The following SH3KBP1 variants were observed in gnomAD, a reference collection of about 807,000 sequenced individuals.
SH3KBP1 encodes SH3 domain containing kinase binding protein 1.
A neutral mutation model predicts 50.1 loss-of-function variants in SH3KBP1; 8 were observed. The observed-to-expected ratio is 0.16, with a 90% confidence interval of 0.09 to 0.29. The LOEUF (loss-of-function observed/expected upper bound fraction) is 0.29, where lower values mean the gene tolerates loss of function less well. Ranked by LOEUF, SH3KBP1 falls within the 10% of genes least tolerant of loss-of-function variation. SH3KBP1 has a pLI of 1.00. For synonymous variants in SH3KBP1, 227 were observed against 218.6 expected (o/e 1.04, Z -0.34); for missense variants, 377 against 535.2 (o/e 0.70, Z 2.92).
At chrX:19,799,000 C>A (rs1394870925) in intron 2 of SH3KBP1, among the ~76,000 whole-genome samples, 3 of 111,771 alleles carry the variant, frequency 2.7e-5, no homozygotes, top group Non-Finnish European at 5.6e-5. Flanking sequence ...GGGAACTGAA[C>A]CTCTCCCGAC....
intron 6 of SH3KBP1, among the ~76,000 whole-genome samples, chrX:19,653,765 C>T (rs1602847193): frequency 1.4e-4 from 1 of 7,028 alleles, no homozygotes; most frequent in Non-Finnish European, 2.8e-4. Flanking sequence ...TGTCTAAATA[C>T]ACACACACAC....
At chrX:19,753,315 G>A (rs1422085075) in intron 2 of SH3KBP1, among the ~76,000 whole-genome samples, 2 of 112,042 alleles carry the variant, frequency 1.8e-5, no homozygotes, top group Non-Finnish European at 3.8e-5. Flanking sequence ...GATCACAGCT[G>A]TGCCCCCTGC....
chrX:19,697,995 G>A (rs2063460451), intron 4 of SH3KBP1, among the ~76,000 whole-genome samples: 2 of 112,014 alleles, frequency 1.8e-5, no homozygotes, highest in African/African-American at 6.5e-5. Flanking sequence ...GTGGCATTTC[G>A]CAGCATTTCC....
At chrX:19,834,125 C>T (rs1351998004) in intron 2 of SH3KBP1, among the ~76,000 whole-genome samples, 1 of 112,410 alleles carries the variant, frequency 8.9e-6, no homozygotes, top group East Asian at 2.8e-4. Flanking sequence ...CACCCTGAGA[C>T]AAGATCCTAA....
chrX:19,613,399 G>A (rs887118974), intron 8 of SH3KBP1, among the ~76,000 whole-genome samples: 2 of 112,080 alleles, frequency 1.8e-5, no homozygotes, highest in Admixed American at 9.4e-5. Flanking sequence ...AAAAGGAGCA[G>A]CATGTAGATG....
At chrX:19,790,386 G>A (rs978534676) in intron 2 of SH3KBP1, among the ~76,000 whole-genome samples, 1 of 111,513 alleles carries the variant, frequency 9.0e-6, no homozygotes, top group Admixed American at 9.5e-5. Context: ...TATGAGCACC[G>A]TTCTGGGGGC....
chrX:19,654,376 T>C (rs2062218302), intron 6 of SH3KBP1, among the ~76,000 whole-genome samples: 2 of 111,742 alleles, frequency 1.8e-5, no homozygotes, highest in South Asian at 3.8e-4. Context: ...GTGTCGAAGA[T>C]GGGATCAAAA....
intron 16 of SH3KBP1, 88 bp downstream of exon 16, chrX:19,541,837 C>T: frequency 9.3e-7 from 1 of 1,079,568 alleles, no homozygotes. Context: ...CCCTCCAAGG[C>T]AGGCTGGGAT....
chrX:19,804,177 A>G (rs2066965571), intron 2 of SH3KBP1, among the ~76,000 whole-genome samples: 1 of 111,868 alleles, frequency 8.9e-6, no homozygotes, highest in Non-Finnish European at 1.9e-5. Context: ...ATATTAAAAA[A>G]AAAGGAAAAA....
intron 1 of SH3KBP1, among the ~76,000 whole-genome samples, chrX:19,859,520 T>C (rs779929140): frequency 8.9e-6 from 1 of 112,144 alleles, no homozygotes; most frequent in South Asian, 3.7e-4. Context: ...TATTTCTTAC[T>C]GGAAGATAGT....
intron 12 of SH3KBP1, among the ~76,000 whole-genome samples, chrX:19,578,657 CCG>C (rs2066276341): frequency 8.9e-6 from 1 of 111,924 alleles, no homozygotes; most frequent in South Asian, 3.7e-4. Context: ...AAGTGAGCAT[CCG>C]TGTGCACAGG....
chrX:19,544,756 C>A (rs2065039167), intron 15 of SH3KBP1, among the ~76,000 whole-genome samples: 1 of 111,942 alleles, frequency 8.9e-6, no homozygotes, highest in Admixed American at 9.5e-5. Flanking sequence ...GGCCACCACC[C>A]TCCCTGATCA....
intron 2 of SH3KBP1, among the ~76,000 whole-genome samples, chrX:19,832,623 G>C (rs749397332): frequency 1.8e-5 from 2 of 110,642 alleles, no homozygotes; most frequent in South Asian, 7.7e-4. Flanking sequence ...ACATGAGCAG[G>C]GAGTTGGTGG....
At chrX:19,600,095 CA>C (rs1218369399) in intron 9 of SH3KBP1, among the ~76,000 whole-genome samples, 701 of 27,338 alleles carry the variant, frequency 0.026, 2 homozygotes, top group African/African-American at 0.046. Context: ...GACTCCGTCT[CA>C]AAAAAAAAAA....
chrX:19,678,774 T>C (rs918446791), intron 6 of SH3KBP1, among the ~76,000 whole-genome samples: 3 of 111,462 alleles, frequency 2.7e-5, no homozygotes, highest in Non-Finnish European at 5.7e-5. Context: ...ACTCACCCTG[T>C]CTTCTGTAAT....
At chrX:19,577,923 C>A (rs747638104) in intron 12 of SH3KBP1, among the ~76,000 whole-genome samples, 108 of 110,605 alleles carry the variant, frequency 9.8e-4, no homozygotes, top group African/African-American at 3.3e-3. Flanking sequence ...AGTGTTTGGG[C>A]TTCAACTGCC....
chrX:19,839,083 A>G (rs73443537), intron 1 of SH3KBP1, among the ~76,000 whole-genome samples: 1,892 of 109,605 alleles, frequency 0.017, 42 homozygotes, highest in African/African-American at 0.059. Context: ...CACCCCTGAC[A>G]TTGGTGTAAG....
intron 2 of SH3KBP1, among the ~76,000 whole-genome samples, chrX:19,802,287 C>T (rs1334745787): frequency 1.8e-5 from 2 of 109,984 alleles, no homozygotes; most frequent in Admixed American, 9.6e-5. Context: ...CCCAGCTACT[C>T]GAGAGGCTGA....
intron 1 of SH3KBP1, among the ~76,000 whole-genome samples, chrX:19,861,059 T>C (rs73443556): frequency 0.023 from 2,559 of 111,159 alleles, 58 homozygotes; most frequent in African/African-American, 0.068. Context: ...AAGTCTAAAG[T>C]TTGTTCAAAA....
Sources: allele counts gnomAD v4.1 joint callset (sites outside exome capture counted in the v4.1 genomes callset), GRCh38; gene constraint gnomAD v4.1.1; transcripts MANE v1.5; gene names NCBI Gene and HGNC (gene_info 2026-07-23, HGNC 2026-07-21).